Variants in CACNA2D3 observed in about 807,000 individuals in gnomAD.
CACNA2D3 encodes voltage-dependent calcium channel subunit alpha-2/delta-3.
CACNA2D3 carries 60 observed loss-of-function variants against 160.6 expected under a neutral mutation model. That is an observed-to-expected ratio of 0.37 (90% CI 0.30 to 0.46). CACNA2D3 has a LOEUF of 0.46. CACNA2D3 is among the 20% of genes least tolerant of loss of function. The pLI, the probability that CACNA2D3 is intolerant of heterozygous loss-of-function variation, is 1.00. For missense variants in CACNA2D3, 1,205 were observed against 1,365.0 expected, an observed-to-expected ratio of 0.88 and a Z score of 1.85; for synonymous variants, 558 against 492.9, an observed-to-expected ratio of 1.13 and a Z score of -1.75.
chr3:55,035,171 T>C (rs1176107444), intron 35 of CACNA2D3, among the ~76,000 whole-genome samples: 2 of 152,172 alleles, frequency 1.3e-5, no homozygotes, highest in Non-Finnish European at 2.9e-5. Context: ...ATTTAAATTG[T>C]AAGAAAAACA....
intron 8 of CACNA2D3, 72 bp from the exon 9 acceptor site, chr3:54,581,731 C>G: frequency 8.1e-7 from 1 of 1,241,614 alleles, no homozygotes; most frequent in Non-Finnish European, 1.2e-6. Context: ...GTGTGCGTAC[C>G]TCCTTAAATT....
At position 54,669,738 on chromosome 3, in the gene CACNA2D3, T is replaced by TA. The variant is rs540861993; in HGVS notation, c.1167+27508dup. On this transcript the variant is annotated intron_variant, in intron 11 of 37. Coordinates refer to ENST00000474759, the MANE Select transcript of CACNA2D3 (RefSeq NM_018398.3). ...AGTTGGGACAATGACTGGGGCTCTT[T>TA]AAAAAAAAAAACTTTTAATTTTATT... Among the ~76,000 whole-genome samples, 916 of 147,286 alleles carry TA rather than the reference T, an allele frequency of 6.2e-3. 6 individuals carry two copies. Among genetic ancestry groups the TA allele is most frequent in the African/African-American group, 0.018 (722 of 40,380 alleles).
At chr3:54,825,190 A>T (rs1401541546) in intron 14 of CACNA2D3, among the ~76,000 whole-genome samples, 1 of 152,258 alleles carries the variant, frequency 6.6e-6, no homozygotes, top group African/African-American at 2.4e-5. Flanking sequence ...CTGAGTAAAA[A>T]CAATGAAATT....
intron 4 of CACNA2D3, among the ~76,000 whole-genome samples, chr3:54,450,923 T>A (rs1289728661): frequency 5.9e-5 from 9 of 152,126 alleles, no homozygotes. Flanking sequence ...AAACAAGTTA[T>A]CTGCTTTTGA....
At chr3:54,392,982 C>T (rs1409093842) in intron 4 of CACNA2D3, among the ~76,000 whole-genome samples, 2 of 152,152 alleles carry the variant, frequency 1.3e-5, no homozygotes, top group East Asian at 3.9e-4. Context: ...CCTGCAAAGA[C>T]AGCCAAAGCA....
At chr3:54,794,346 C>T (rs905750574) in intron 13 of CACNA2D3, among the ~76,000 whole-genome samples, 5 of 152,106 alleles carry the variant, frequency 3.3e-5, no homozygotes, top group Non-Finnish European at 7.4e-5. Context: ...CCCCCTTTCA[C>T]ACTATACGCT....
intron 27 of CACNA2D3, among the ~76,000 whole-genome samples, chr3:54,946,758 C>T (rs1273115091): frequency 6.6e-6 from 1 of 151,336 alleles, no homozygotes; most frequent in Admixed American, 6.6e-5. Context: ...CTTAAACACC[C>T]GAAATCATGG....
chr3:54,464,384 C>G (rs1700571877), intron 4 of CACNA2D3, among the ~76,000 whole-genome samples: 2 of 152,176 alleles, frequency 1.3e-5, no homozygotes, highest in South Asian at 4.1e-4. Flanking sequence ...GAGGTGGAGC[C>G]TACAGAGGCA....
intron 2 of CACNA2D3, among the ~76,000 whole-genome samples, chr3:54,196,393 C>T (rs1701081849): frequency 6.6e-6 from 1 of 152,150 alleles, no homozygotes; most frequent in Non-Finnish European, 1.5e-5. Context: ...GCAGTGAGTT[C>T]TGGGAAAGAC....
At chr3:54,652,503 G>C (rs1216148951) in intron 11 of CACNA2D3, among the ~76,000 whole-genome samples, 1 of 152,184 alleles carries the variant, frequency 6.6e-6, no homozygotes, top group Non-Finnish European at 1.5e-5. Context: ...TAGACAGGGT[G>C]GCCAAGACGA....
intron 10 of CACNA2D3, among the ~76,000 whole-genome samples, chr3:54,636,660 A>G (rs1204904764): frequency 6.6e-6 from 1 of 152,020 alleles, no homozygotes; most frequent in African/African-American, 2.4e-5. Context: ...CTCTTGTGTA[A>G]GAATTCTGAC....
At chr3:54,144,865 T>A (rs996284153) in intron 2 of CACNA2D3, among the ~76,000 whole-genome samples, 1 of 152,224 alleles carries the variant, frequency 6.6e-6, no homozygotes, top group Non-Finnish European at 1.5e-5. Context: ...TTTTACTGTT[T>A]ATTCCAACCT....
rs552061023 is a variant in CACNA2D3, at chr3:54,344,080, C to T, written c.321+23522C>T. ...AATTATTTTGCTGCAAATTATCTCA[C>T]CATGTCACAGATAATTGGAGGAAGT... On this transcript the variant is annotated intron_variant, in intron 3 of 37. Coordinates refer to ENST00000474759, the MANE Select transcript of CACNA2D3 (RefSeq NM_018398.3). Among the ~76,000 whole-genome samples the T allele has an allele frequency of 3.3e-5, 5 of 152,274 alleles. No individual in the cohort carries two copies. In the East Asian group the frequency reaches 7.7e-4, roughly 24 times the overall value.
At chr3:54,934,912 T>G (rs1701291594) in intron 27 of CACNA2D3, among the ~76,000 whole-genome samples, 1 of 152,118 alleles carries the variant, frequency 6.6e-6, no homozygotes, top group South Asian at 2.1e-4. Flanking sequence ...CTGTATTTAT[T>G]TTCTAGTAGA....
intron 2 of CACNA2D3, among the ~76,000 whole-genome samples, chr3:54,298,347 A>G (rs958425223): frequency 5.3e-5 from 8 of 152,252 alleles, no homozygotes; most frequent in Non-Finnish European, 1.0e-4. Context: ...CACACAGGGC[A>G]TGTGCCGGGT....
chr3:54,701,200 A>G (rs1700761420), intron 11 of CACNA2D3, among the ~76,000 whole-genome samples: 1 of 152,164 alleles, frequency 6.6e-6, no homozygotes, highest in Admixed American at 6.5e-5. Flanking sequence ...ATTTCTACCA[A>G]CTAAGATGTG....
chr3:54,514,015 G>A (rs979736323), intron 5 of CACNA2D3, among the ~76,000 whole-genome samples: 4 of 152,196 alleles, frequency 2.6e-5, no homozygotes, highest in Non-Finnish European at 5.9e-5. Flanking sequence ...GCGGCAAATG[G>A]AAGGCCCTGT....
chr3:54,173,099 A>G (rs1036393860), intron 2 of CACNA2D3, among the ~76,000 whole-genome samples: 1 of 152,242 alleles, frequency 6.6e-6, no homozygotes, highest in African/African-American at 2.4e-5. Context: ...GTGACCTGAA[A>G]TGAAGCCCAT....
At chr3:54,485,180 T>C (rs1316042938) in intron 4 of CACNA2D3, among the ~76,000 whole-genome samples, 2 of 152,198 alleles carry the variant, frequency 1.3e-5, no homozygotes, top group African/African-American at 4.8e-5. Flanking sequence ...AGTTTACTAC[T>C]ACTAATAGGC....
Sources: allele counts gnomAD v4.1 joint callset (sites outside exome capture counted in the v4.1 genomes callset), GRCh38; gene constraint gnomAD v4.1.1; transcripts MANE v1.5; gene names NCBI Gene and HGNC (gene_info 2026-07-23, HGNC 2026-07-21).